DSCAM: variants seen among roughly 807,000 people sequenced by gnomAD.
DSCAM encodes DS cell adhesion molecule, also known as cell adhesion molecule DSCAM.
DSCAM carries 47 observed loss-of-function variants against 217.7 expected under a neutral mutation model. That is an observed-to-expected ratio of 0.22 (90% CI 0.17 to 0.28). The LOEUF (loss-of-function observed/expected upper bound fraction) is 0.28. Ranked by LOEUF, DSCAM falls within the 10% of genes least tolerant of loss-of-function variation. The probability of loss-of-function intolerance (pLI) is 1.00; values close to 1 mark genes in which losing one functional copy is unlikely to be tolerated. For synonymous variants in DSCAM, 1,056 were observed against 1,015.3 expected (o/e 1.04, Z -0.76); for missense variants, 2,080 against 2,618.3 (o/e 0.79, Z 4.49).
At chr21:40,028,887 C>T (rs2088458687) in intron 32 of DSCAM, among the ~76,000 whole-genome samples, 1 of 152,158 alleles carries the variant, frequency 6.6e-6, no homozygotes, top group African/African-American at 2.4e-5. Context: ...AAAGACATCT[C>T]TTCAACAGAT....
chr21:40,669,590 A>T (rs73905044), intron 3 of DSCAM, among the ~76,000 whole-genome samples: 259 of 5,184 alleles, frequency 0.05, 9 homozygotes, highest in East Asian at 0.3. Flanking sequence ...TGTTATATAT[A>T]TTTTTTTTTT....
rs144653324 is a variant in DSCAM at position 40,484,829 on chromosome 21, A to T, written c.509-115584T>A. Reference sequence around the variant, plus strand: ...TTGCCACACAGCGCAAAGACTGAAAAAATCCTAAAATCAAATGGTAGATGC... The same window carrying T: ...TTGCCACACAGCGCAAAGACTGAAATAATCCTAAAATCAAATGGTAGATGC... On this transcript the variant is annotated intron_variant, in intron 3 of 32. Transcript: ENST00000400454. 1.3e-3 allele frequency among the ~76,000 whole-genome samples: 194 copies of T among 152,298 alleles called. 3 individuals are homozygous for T. The East Asian group carries it at 0.028, about 22-fold the overall frequency.
intron 11 of DSCAM, among the ~76,000 whole-genome samples, chr21:40,195,337 A>T (rs531099499): frequency 1.4e-4 from 22 of 152,298 alleles, no homozygotes; most frequent in Non-Finnish European, 2.5e-4. Context: ...TGCTGAAAAG[A>T]AAACAGATTG....
chr21:40,704,371 T>G (rs1381751793), intron 2 of DSCAM, among the ~76,000 whole-genome samples: 2 of 152,208 alleles, frequency 1.3e-5, no homozygotes, highest in Non-Finnish European at 2.9e-5. Flanking sequence ...AGCACATTTT[T>G]TCTATCGCTG....
chr21:40,550,750 G>C (rs1307213442), intron 3 of DSCAM, among the ~76,000 whole-genome samples: 1 of 152,178 alleles, frequency 6.6e-6, no homozygotes, highest in Non-Finnish European at 1.5e-5. Flanking sequence ...GCAGCCTCCA[G>C]AACCATAATA....
intron 3 of DSCAM, among the ~76,000 whole-genome samples, chr21:40,604,110 G>GT (rs2077083920): frequency 6.6e-6 from 1 of 151,454 alleles, no homozygotes; most frequent in African/African-American, 2.4e-5. Context: ...TGAACAGTCT[G>GT]TTTCTATTTT....
At chr21:40,629,683 G>C (rs972637236) in intron 3 of DSCAM, 9 of 152,182 alleles carry the variant, frequency 5.9e-5, no homozygotes, top group African/African-American at 1.7e-4. Flanking sequence ...AAATTAATCA[G>C]CCTTTGTTGT....
At chr21:40,685,535 TATC>T (rs780954480) in intron 3 of DSCAM, among the ~76,000 whole-genome samples, 21 of 152,326 alleles carry the variant, frequency 1.4e-4, no homozygotes, top group South Asian at 1.0e-3. Flanking sequence ...TTGCACCTCT[TATC>T]ATGACTCATT....
intron 3 of DSCAM, among the ~76,000 whole-genome samples, chr21:40,691,987 T>C (rs2090543052): frequency 6.6e-6 from 1 of 152,258 alleles, no homozygotes; most frequent in Non-Finnish European, 1.5e-5. Flanking sequence ...AACATGTGTG[T>C]TGTGCGTGTG....
At chr21:40,469,404 GC>G (rs2075870233) in intron 3 of DSCAM, among the ~76,000 whole-genome samples, 1 of 152,130 alleles carries the variant, frequency 6.6e-6, no homozygotes, top group East Asian at 1.9e-4. Context: ...TAAGGTGGCA[GC>G]CCCTTCAGAT....
intron 32 of DSCAM, among the ~76,000 whole-genome samples, chr21:40,033,871 C>T (rs968015969): frequency 0.018 from 2,470 of 134,232 alleles, 24 homozygotes; most frequent in African/African-American, 0.071. Flanking sequence ...TCCCTGACCC[C>T]GGACCCCCGA....
intron 3 of DSCAM, among the ~76,000 whole-genome samples, chr21:40,490,349 T>A (rs925560245): frequency 1.2e-4 from 18 of 152,236 alleles, no homozygotes; most frequent in Non-Finnish European, 2.2e-4. Flanking sequence ...AGTATTTTTT[T>A]AAAAAAATGG....
At chr21:40,611,198 A>G (rs1476729931) in intron 3 of DSCAM, among the ~76,000 whole-genome samples, 1 of 151,280 alleles carries the variant, frequency 6.6e-6, no homozygotes, top group Non-Finnish European at 1.5e-5. Flanking sequence ...AGCTGGGACT[A>G]CAGGTGCACG....
intron 3 of DSCAM, among the ~76,000 whole-genome samples, chr21:40,628,697 CTATCTATCT>C (rs2089637618): frequency 1.7e-3 from 1 of 602 alleles, no homozygotes; most frequent in South Asian, 0.045. Context: ...CACTTGCTAT[CTATCTATCT>C]ATCTATCTAT....
In DSCAM at chr21:40,013,270, G is replaced by A. The variant is rs1418904714; in HGVS notation, c.5803C>T (p.Arg1935Trp). ...GQACLEPQKS[R>W]TLKRPTVLEP... ...AGGACCGTGGGGCGCTTCAGGGTCC[G>A]GCTTTTCTGAGGTTCCAAGCATGCT... The change falls in exon 33 of 33, where the codon CGG (arginine) becomes TGG (tryptophan). Residue 1935 changes from arginine (R) to tryptophan (W), a missense_variant. Arg to Trp is a moderately radical substitution (Grantham distance 101). Coordinates refer to ENST00000400454, the MANE Select transcript of DSCAM (RefSeq NM_001389.5). The A allele has an allele frequency of 3.7e-6, 6 of 1,613,776 alleles. 1 individual carries two copies. The highest frequency in any genetic ancestry group is 5.1e-6 in the Non-Finnish European group (6 of 1,179,898).
In DSCAM at chr21:40,099,037, C is replaced by T. The variant is rs2089717726; in HGVS notation, c.3697-5163G>A. Among the ~76,000 whole-genome samples the T allele has an allele frequency of 2.0e-5, 3 of 152,160 alleles. No homozygotes were observed. In the South Asian group the frequency reaches 6.2e-4, roughly 32 times the overall value. On this transcript the variant is annotated intron_variant, in intron 20 of 32. Transcript: ENST00000400454. ...GTGATTCTCCAAGGCTATGTCATTG[C>T]CAAATTAATTTTACAAAGCTTAATG...
In DSCAM at chr21:40,433,394, C is replaced by T. The variant is rs570252399; in HGVS notation, c.509-64149G>A. ...AGCACCTGCAGCAGGCAGGCACCAGCTGCACGGGACCAACACAGAAAGCAT... is the reference window on the plus strand; with the variant it reads ...AGCACCTGCAGCAGGCAGGCACCAGTTGCACGGGACCAACACAGAAAGCAT... On this transcript the variant is annotated intron_variant, in intron 3 of 32. Coordinates refer to ENST00000400454, the MANE Select transcript of DSCAM (RefSeq NM_001389.5). 2.6e-5 allele frequency among the ~76,000 whole-genome samples: 4 copies of T among 151,076 alleles called. No individual in the cohort carries two copies. In the South Asian group the frequency reaches 8.4e-4, roughly 32 times the overall value.
chr21:40,154,427 CT>C (rs1479644336), intron 16 of DSCAM, among the ~76,000 whole-genome samples: 1 of 151,782 alleles, frequency 6.6e-6, no homozygotes, highest in Non-Finnish European at 1.5e-5. Context: ...AATTTTTGAA[CT>C]TTTTTTGTAG....
intron 3 of DSCAM, among the ~76,000 whole-genome samples, chr21:40,482,396 T>A (rs1173314112): frequency 6.6e-6 from 1 of 152,360 alleles, no homozygotes; most frequent in East Asian, 1.9e-4. Flanking sequence ...ACTGTCTTTG[T>A]CATCTGTAGA....
Sources: allele counts gnomAD v4.1 joint callset (sites outside exome capture counted in the v4.1 genomes callset), GRCh38; gene constraint gnomAD v4.1.1; transcripts MANE v1.5; gene names NCBI Gene and HGNC (gene_info 2026-07-23, HGNC 2026-07-21).